Variants in ZBTB7C observed in about 807,000 individuals in gnomAD.
ZBTB7C encodes zinc finger and BTB domain-containing protein 7C.
ZBTB7C carries 8 observed loss-of-function variants against 25.7 expected under a neutral mutation model. The ratio of observed to expected loss-of-function variants is 0.31; its 90% CI spans 0.18 to 0.56. ZBTB7C has a LOEUF of 0.56. Among genes scored for constraint, ZBTB7C ranks in the 20% least tolerant of loss-of-function variants. The probability of loss-of-function intolerance (pLI) is 0.91; values close to 1 mark genes in which losing one functional copy is unlikely to be tolerated. For synonymous variants in ZBTB7C, 394 were observed against 369.0 expected, an observed-to-expected ratio of 1.07 and a Z score of -0.78; for missense variants, 824 against 855.2, an observed-to-expected ratio of 0.96 and a Z score of 0.46.
At chr18:48,107,443 C>T (rs2144646154) in intron 3 of ZBTB7C, among the ~76,000 whole-genome samples, 1 of 151,836 alleles carries the variant, frequency 6.6e-6, no homozygotes, top group African/African-American at 2.4e-5. Context: ...GGGAGGAGGG[C>T]TGGGACCAGC....
chr18:48,393,565 G>T (rs1034203471), intron 1 of ZBTB7C, among the ~76,000 whole-genome samples: 20 of 152,070 alleles, frequency 1.3e-4, no homozygotes, highest in African/African-American at 4.8e-4. Flanking sequence ...GATTTCATTT[G>T]ATTCTTCTCT....
rs773085960 is a variant in ZBTB7C at position 48,041,003 on chromosome 18, G to A, written c.105C>T (p.Asp35=). Residue 35 remains aspartate, a synonymous_variant, in exon 4 of 5, where the codon GAC becomes GAT. Transcript: ENST00000590800. ...CCTGCTCCTGCACCACCAGGAGCAC[G>A]TCACACAGCAGGCCATCGTGCCGTT... The part of the protein sequence containing the change: ...NEQRHDGLLC[D]VLLVVQEQEY... 1.1e-5 allele frequency: 18 copies of A among 1,614,002 alleles called. No homozygotes were observed. The highest frequency in any genetic ancestry group is 2.2e-5 in the South Asian group (2 of 91,084).
intron 3 of ZBTB7C, among the ~76,000 whole-genome samples, chr18:48,137,626 C>T (rs2040216333): frequency 6.6e-6 from 1 of 152,170 alleles, no homozygotes; most frequent in Non-Finnish European, 1.5e-5. Flanking sequence ...TTAACCAAAT[C>T]AAACACTAAA....
intron 3 of ZBTB7C, among the ~76,000 whole-genome samples, chr18:48,063,289 A>G (rs1304253098): frequency 1.3e-5 from 2 of 152,194 alleles, no homozygotes; most frequent in Non-Finnish European, 2.9e-5. Context: ...CACTAGACAA[A>G]CAGCGCAGGG....
intron 2 of ZBTB7C, among the ~76,000 whole-genome samples, chr18:48,326,332 G>A: frequency 6.6e-6 from 1 of 152,122 alleles, no homozygotes. Flanking sequence ...CTGACCTCAA[G>A]TGATCTGCCC....
rs936124112 is a variant in ZBTB7C at position 48,027,449 on chromosome 18, T to G, written c.*1811A>C. 2.0e-5 allele frequency: 3 copies of G among 150,702 alleles called. No individual in the cohort carries two copies. Among genetic ancestry groups the G allele is most frequent in the Non-Finnish European group, 4.4e-5 (3 of 67,836 alleles). The allele number at this position is 150,702 out of a possible 1,614,324, so 9.3% of individuals were successfully genotyped here. ...GGGAACACGGGGGCACGTTGGCTGG[T>G]GGACATGGGCATGCTTCAGAGAAAA... On this transcript the variant is annotated 3_prime_UTR_variant, in exon 5 of 5. Coordinates refer to ENST00000590800, the MANE Select transcript of ZBTB7C (RefSeq NM_001318841.2).
At chr18:48,223,109 A>G (rs193212858) in intron 2 of ZBTB7C, among the ~76,000 whole-genome samples, 1 of 152,332 alleles carries the variant, frequency 6.6e-6, no homozygotes, top group Admixed American at 6.5e-5. Flanking sequence ...ATCCCAACAC[A>G]GAGTTTCTCA....
At chr18:48,291,676 C>A (rs1283525397) in intron 2 of ZBTB7C, among the ~76,000 whole-genome samples, 1 of 152,146 alleles carries the variant, frequency 6.6e-6, no homozygotes, top group African/African-American at 2.4e-5. Flanking sequence ...AAAGATTGCA[C>A]CAATCTATAG....
intron 2 of ZBTB7C, among the ~76,000 whole-genome samples, chr18:48,235,594 C>T (rs149182448): frequency 1.2e-4 from 19 of 152,250 alleles, no homozygotes; most frequent in South Asian, 6.2e-4. Flanking sequence ...CCTCCTTCTG[C>T]GACAAGTTTC....
chr18:48,388,623 C>T (rs1328224699), intron 1 of ZBTB7C, among the ~76,000 whole-genome samples: 2 of 152,152 alleles, frequency 1.3e-5, no homozygotes, highest in Admixed American at 1.3e-4. Context: ...GTAGTACATG[C>T]CTGTGATCCC....
intron 2 of ZBTB7C, among the ~76,000 whole-genome samples, chr18:48,289,339 A>C (rs968518234): frequency 1.3e-5 from 2 of 152,204 alleles, no homozygotes; most frequent in African/African-American, 4.8e-5. Flanking sequence ...ACACAAAAGA[A>C]TCAGACACAA....
rs145222846 is a variant in ZBTB7C at position 48,040,382 on chromosome 18, G to T, written c.726C>A (p.Pro242=). 66 of 1,612,082 alleles carry T rather than the reference G, an allele frequency of 4.1e-5. No individual in the cohort carries two copies. The African/African-American group carries it at 8.0e-4, about 20-fold the overall frequency. ...RENLYPKANI[P]DRRPSLSPFA... Reference sequence around the variant, plus strand: ...ATGGAGACAAGGAGGGTCTCCTGTCGGGGATGTTGGCCTTGGGGTACAGGT... The same window carrying T: ...ATGGAGACAAGGAGGGTCTCCTGTCTGGGATGTTGGCCTTGGGGTACAGGT... Residue 242 remains proline (P), a synonymous_variant, in exon 4 of 5, where the codon CCC becomes CCA. Transcript: ENST00000590800.
chr18:48,175,080 A>G (rs2041625338), intron 3 of ZBTB7C, among the ~76,000 whole-genome samples: 1 of 152,226 alleles, frequency 6.6e-6, no homozygotes, highest in Non-Finnish European at 1.5e-5. Context: ...AAGCATGTTC[A>G]TGTCCTACAT....
chr18:48,049,169 C>T (rs902047092), intron 3 of ZBTB7C, among the ~76,000 whole-genome samples: 2 of 152,214 alleles, frequency 1.3e-5, no homozygotes, highest in African/African-American at 2.4e-5. Flanking sequence ...CTCTGTTAGA[C>T]CACAGTGCCC....
At chr18:48,387,130 T>C (rs184880893) in intron 1 of ZBTB7C, among the ~76,000 whole-genome samples, 1 of 152,264 alleles carries the variant, frequency 6.6e-6, no homozygotes, top group Non-Finnish European at 1.5e-5. Context: ...GAATGACATA[T>C]CATGTCATGT....
chr18:48,105,317 T>G (rs377479017), intron 3 of ZBTB7C, among the ~76,000 whole-genome samples: 3 of 152,214 alleles, frequency 2.0e-5, no homozygotes, highest in Non-Finnish European at 2.9e-5. Flanking sequence ...TGATATACTT[T>G]GACTGAATTG....
At chr18:48,166,574 CCCTGGTCCCCAGCAGGTAGAAGCACCTGG>C in intron 3 of ZBTB7C, among the ~76,000 whole-genome samples, 1 of 152,120 alleles carries the variant, frequency 6.6e-6, no homozygotes, top group Non-Finnish European at 1.5e-5. Flanking sequence ...GCTCAGAGTC[CCCTGGTCCCCAGCAGGTAGAAGCACCTGG>C]CCTGGTCCTC....
intron 3 of ZBTB7C, among the ~76,000 whole-genome samples, chr18:48,167,563 G>GGGGTGTGTGT (rs1555705394): frequency 1.1e-4 from 16 of 142,480 alleles, no homozygotes; most frequent in South Asian, 4.5e-4. Flanking sequence ...GCATTGCTAG[G>GGGGTGTGTGT]GTGTGTGTGT....
At chr18:48,130,663 T>G (rs538821830) in intron 3 of ZBTB7C, among the ~76,000 whole-genome samples, 33 of 151,444 alleles carry the variant, frequency 2.2e-4, no homozygotes, top group Non-Finnish European at 4.0e-4. Flanking sequence ...TAAATAAAAT[T>G]TTGTGCAGAA....
Sources: allele counts gnomAD v4.1 joint callset (sites outside exome capture counted in the v4.1 genomes callset), GRCh38; gene constraint gnomAD v4.1.1; transcripts MANE v1.5; gene names NCBI Gene and HGNC (gene_info 2026-07-23, HGNC 2026-07-21).